VAV3: variants seen among roughly 807,000 people sequenced by gnomAD.
The protein encoded by VAV3 is guanine nucleotide exchange factor VAV3.
VAV3 carries 94 observed loss-of-function variants against 131.2 expected under a neutral mutation model. The ratio of observed to expected loss-of-function variants is 0.72; its 90% CI spans 0.61 to 0.85. The LOEUF (loss-of-function observed/expected upper bound fraction) is 0.85, where lower values mean the gene tolerates loss of function less well. Among genes scored for constraint, VAV3 ranks in the 40% least tolerant of loss-of-function variants. The pLI is 0.00. For missense variants in VAV3, 939 were observed against 1,002.7 expected, an observed-to-expected ratio of 0.94 and a Z score of 0.86; for synonymous variants, 349 against 342.0, an observed-to-expected ratio of 1.02 and a Z score of -0.22.
chr1:107,697,184 T>C lies in VAV3; in HGVS notation c.1705+7366A>G, dbSNP rs558179161. ...GCTTTCAGAAGGTACAGGCTACTGA[T>C]GGAATGATACAGAGATTCTTCTTCC... On this transcript the variant is annotated intron_variant, in intron 17 of 26. Transcript: ENST00000370056. 2.0e-5 allele frequency among the ~76,000 whole-genome samples: 3 copies of C among 152,296 alleles called. No homozygotes were observed. The East Asian group carries it at 5.8e-4, about 29-fold the overall frequency.
At chr1:107,633,166 A>C (rs1326957753) in intron 20 of VAV3, among the ~76,000 whole-genome samples, 2 of 152,194 alleles carry the variant, frequency 1.3e-5, no homozygotes, top group Non-Finnish European at 2.9e-5. Flanking sequence ...AACCTGTGAT[A>C]GGAAAAATTA....
chr1:107,795,437 G>A (rs2102284066), intron 2 of VAV3, among the ~76,000 whole-genome samples: 1 of 152,196 alleles, frequency 6.6e-6, no homozygotes, highest in Admixed American at 6.5e-5. Context: ...CTGTGCAATG[G>A]TATTTGTGAT....
chr1:107,833,011 G>A lies in VAV3; in HGVS notation c.321+41890C>T, dbSNP rs139027827. Among the ~76,000 whole-genome samples the A allele has an allele frequency of 1.3e-4, 19 of 151,886 alleles. No homozygotes were observed. The South Asian group carries it at 1.7e-3, about 13-fold the overall frequency. On this transcript the variant is annotated intron_variant, in intron 2 of 26. Coordinates refer to ENST00000370056, the MANE Select transcript of VAV3 (RefSeq NM_006113.5). ...TAATGAGAAATACATGATTTTTTTCGCAACTAGAAAATCATAGCAAAAAAT... is the reference window on the plus strand; with the variant it reads ...TAATGAGAAATACATGATTTTTTTCACAACTAGAAAATCATAGCAAAAAAT...
intron 1 of VAV3, among the ~76,000 whole-genome samples, chr1:107,938,110 T>G (rs1006455359): frequency 6.6e-5 from 10 of 152,102 alleles, no homozygotes; most frequent in African/African-American, 2.4e-4. Flanking sequence ...CCAGGGAGGA[T>G]GGACTCAGGG....
chr1:107,682,135 A>G (rs1353254697), intron 19 of VAV3, among the ~76,000 whole-genome samples: 1 of 152,186 alleles, frequency 6.6e-6, no homozygotes, highest in Non-Finnish European at 1.5e-5. Flanking sequence ...CTACTTTGCC[A>G]TATTTCTAAT....
intron 21 of VAV3, among the ~76,000 whole-genome samples, chr1:107,612,141 TATAC>T (rs1353983405): frequency 6.7e-6 from 1 of 149,164 alleles, no homozygotes; most frequent in African/African-American, 2.4e-5. Context: ...TATATATATA[TATAC>T]ACACACACAC....
chr1:107,897,577 C>T (rs1484455252), intron 1 of VAV3, among the ~76,000 whole-genome samples: 1 of 152,022 alleles, frequency 6.6e-6, no homozygotes, highest in Non-Finnish European at 1.5e-5. Flanking sequence ...AAGGCTTTAG[C>T]CTCCTCTGGG....
At position 107,640,238 on chromosome 1, in the gene VAV3, G is replaced by A. The variant is rs535152784; in HGVS notation, c.1914+2381C>T. Among the ~76,000 whole-genome samples the A allele has an allele frequency of 3.9e-5, 6 of 152,178 alleles. No individual in the cohort carries two copies. The East Asian group carries it at 7.7e-4, about 20-fold the overall frequency. On this transcript the variant is annotated intron_variant, in intron 20 of 26. Transcript: ENST00000370056. ...CCTGAAAGTCCATCAACAGGTTAAC[G>A]GGTAAACAAATTGTGCTATCTCCAC...
intron 13 of VAV3, among the ~76,000 whole-genome samples, chr1:107,750,043 T>C (rs1285590149): frequency 6.6e-6 from 1 of 152,162 alleles, no homozygotes; most frequent in Non-Finnish European, 1.5e-5. Flanking sequence ...CATGACTCAA[T>C]TTAAATCCCC....
chr1:107,747,396 G>C (rs557488610), intron 15 of VAV3, among the ~76,000 whole-genome samples: 1 of 151,816 alleles, frequency 6.6e-6, no homozygotes, highest in South Asian at 2.1e-4. Context: ...AAAGGCTCGA[G>C]ATCAGCTCTG....
At chr1:107,596,149 T>C in intron 25 of VAV3, 63 bp downstream of exon 25, 1 of 1,575,912 alleles carries the variant, frequency 6.3e-7, no homozygotes, top group East Asian at 2.3e-5. Flanking sequence ...GGAAGATGTT[T>C]AATGTTATTG....
At chr1:107,717,638 G>A (rs1661193284) in intron 15 of VAV3, among the ~76,000 whole-genome samples, 1 of 152,168 alleles carries the variant, frequency 6.6e-6, no homozygotes, top group African/African-American at 2.4e-5. Flanking sequence ...TACATTTGCT[G>A]AGGAGTGTTT....
intron 1 of VAV3, among the ~76,000 whole-genome samples, chr1:107,876,420 A>G (rs1162752767): frequency 6.6e-6 from 1 of 152,186 alleles, no homozygotes; most frequent in Non-Finnish European, 1.5e-5. Context: ...CAAGAGTTTT[A>G]AGAAACAGCA....
intron 2 of VAV3, among the ~76,000 whole-genome samples, chr1:107,791,233 G>C (rs1038232663): frequency 7.3e-5 from 11 of 150,456 alleles, no homozygotes; most frequent in Non-Finnish European, 4.4e-5. Context: ...ATTGCCAATA[G>C]CCTTGTGTGC....
At chr1:107,916,159 T>C (rs1486433241) in intron 1 of VAV3, among the ~76,000 whole-genome samples, 3 of 152,180 alleles carry the variant, frequency 2.0e-5, no homozygotes, top group East Asian at 3.9e-4. Flanking sequence ...GACATCACAT[T>C]AAAAGGGAAG....
At chr1:107,817,329 G>A (rs1226855483) in intron 2 of VAV3, among the ~76,000 whole-genome samples, 2 of 152,076 alleles carry the variant, frequency 1.3e-5, no homozygotes, top group African/African-American at 2.4e-5. Context: ...GGGTGTACAG[G>A]TAGAGGCAAA....
intron 2 of VAV3, among the ~76,000 whole-genome samples, chr1:107,864,094 G>T (rs1054366872): frequency 6.6e-6 from 1 of 152,162 alleles, no homozygotes; most frequent in African/African-American, 2.4e-5. Flanking sequence ...CCTAAGCCTT[G>T]ATGTTTTCAG....
At chr1:107,739,109 T>G (rs1052803183) in intron 15 of VAV3, among the ~76,000 whole-genome samples, 11 of 152,212 alleles carry the variant, frequency 7.2e-5, no homozygotes, top group African/African-American at 2.7e-4. Context: ...ATATCATCCT[T>G]TGCTCTTCCT....
At chr1:107,866,579 G>GGGAGAGGCGGGT (rs1295675232) in intron 2 of VAV3, among the ~76,000 whole-genome samples, 5 of 152,048 alleles carry the variant, frequency 3.3e-5, no homozygotes, top group African/African-American at 4.8e-5. Flanking sequence ...CAGTTTGGGA[G>GGGAGAGGCGGGT]GGAGAGGCGG....
Sources: gnomAD v4.1 joint callset for allele counts (sites outside exome capture counted in the v4.1 genomes callset) on GRCh38, gnomAD v4.1.1 for gene constraint, MANE v1.5 for transcripts, NCBI Gene and HGNC (gene_info 2026-07-23, HGNC 2026-07-21) for gene names.